The following AGBL4 variants were observed in gnomAD, a reference collection of about 807,000 sequenced individuals.
AGBL4 encodes the protein cytosolic carboxypeptidase 6.
In AGBL4, 58 loss-of-function variants were observed where a neutral mutation model predicts 66.4. The observed-to-expected ratio is 0.87, with a 90% CI of 0.71 to 1.09. The LOEUF (loss-of-function observed/expected upper bound fraction) is 1.09, where lower values mean the gene tolerates loss of function less well. Ranked by LOEUF, AGBL4 falls within the 50% of genes least tolerant of loss-of-function variation. AGBL4 has a pLI of 0.00. For synonymous variants in AGBL4, 234 were observed against 222.9 expected, an observed-to-expected ratio of 1.05 and a Z score of -0.44; for missense variants, 579 against 631.0, an observed-to-expected ratio of 0.92 and a Z score of 0.88.
At chr1:49,697,267 T>G in intron 3 of AGBL4, 46 bp downstream of exon 3, 4 of 1,504,214 alleles carry the variant, frequency 2.7e-6, no homozygotes, top group African/African-American at 1.4e-5. Context: ...CAAAAGCATA[T>G]TATTCTTACC....
intron 4 of AGBL4, among the ~76,000 whole-genome samples, chr1:49,132,862 C>G (rs1308753741): frequency 6.6e-6 from 1 of 152,108 alleles, no homozygotes; most frequent in Non-Finnish European, 1.5e-5. Flanking sequence ...CCAGAAATAC[C>G]ATTTGACCCA....
chr1:48,792,749 G>T (rs1054880646), intron 6 of AGBL4, among the ~76,000 whole-genome samples: 2 of 152,176 alleles, frequency 1.3e-5, no homozygotes, highest in African/African-American at 4.8e-5. Context: ...GCCTAGTGTA[G>T]AAGCAGAAAA....
chr1:49,384,395 C>T (rs970237722), intron 3 of AGBL4, among the ~76,000 whole-genome samples: 4 of 151,642 alleles, frequency 2.6e-5, no homozygotes, highest in Non-Finnish European at 5.9e-5. Flanking sequence ...AGCTCGAGAC[C>T]ACCCTGACCA....
chr1:49,477,856 C>A (rs566017438), intron 3 of AGBL4, among the ~76,000 whole-genome samples: 2 of 151,496 alleles, frequency 1.3e-5, no homozygotes, highest in African/African-American at 4.8e-5. Flanking sequence ...ATAAATGTCA[C>A]AAAGAGATTT....
chr1:49,348,042 C>T (rs887738433), intron 3 of AGBL4, among the ~76,000 whole-genome samples: 4 of 152,224 alleles, frequency 2.6e-5, no homozygotes, highest in Admixed American at 2.0e-4. Flanking sequence ...TTTGCAGATA[C>T]GATTTAGTTA....
At chr1:50,005,366 C>G (rs996950890) in intron 1 of AGBL4, among the ~76,000 whole-genome samples, 1 of 152,108 alleles carries the variant, frequency 6.6e-6, no homozygotes, top group Admixed American at 6.5e-5. Flanking sequence ...AAAATTCTTC[C>G]AGATTTTATC....
At chr1:49,418,645 T>A (rs1645479641) in intron 3 of AGBL4, among the ~76,000 whole-genome samples, 1 of 152,216 alleles carries the variant, frequency 6.6e-6, no homozygotes, top group South Asian at 2.1e-4. Context: ...ACTGTGCATT[T>A]CAGGCCAGGA....
At position 48,736,437 on chromosome 1, in the gene AGBL4, C is replaced by T. The variant is rs925374841; in HGVS notation, c.635-73196G>A. The T allele has an allele frequency of 1.2e-6, 2 of 1,614,090 alleles. No individual in the cohort carries two copies. The highest frequency in any genetic ancestry group is 1.7e-6 in the Non-Finnish European group (2 of 1,180,016). ...CATTTCTCCTCATCAACCCAAATCC[C>T]GCTTCCCAGATGGACCTGAGAGGAA... On this transcript the variant is annotated intron_variant, in intron 6 of 13. Transcript: ENST00000371839. The surrounding 1 kb of genome is among the most constrained non-coding windows in gnomAD (Gnocchi z 4.0).
intron 2 of AGBL4, among the ~76,000 whole-genome samples, chr1:49,791,160 T>C (rs1358499295): frequency 2.0e-5 from 3 of 152,106 alleles, no homozygotes; most frequent in Non-Finnish European, 4.4e-5. Context: ...CTCTAGACTT[T>C]CATAAGTGAA....
intron 2 of AGBL4, among the ~76,000 whole-genome samples, chr1:49,740,678 A>G (rs1650368944): frequency 6.6e-6 from 1 of 152,190 alleles, no homozygotes; most frequent in African/African-American, 2.4e-5. Flanking sequence ...AATGTAAAAT[A>G]ACAGAAATTA....
intron 5 of AGBL4, among the ~76,000 whole-genome samples, chr1:48,943,575 T>C (rs1027740078): frequency 6.6e-6 from 1 of 152,242 alleles, no homozygotes; most frequent in Admixed American, 6.5e-5. Context: ...CATACTATGT[T>C]CCAGGCATTG....
intron 4 of AGBL4, among the ~76,000 whole-genome samples, chr1:49,126,237 C>T (rs1472839286): frequency 1.3e-5 from 2 of 152,140 alleles, no homozygotes; most frequent in African/African-American, 4.8e-5. Context: ...TTTACCGTTC[C>T]AAGCAGCCTG....
chr1:49,372,594 C>CT (rs1209547849), intron 3 of AGBL4, among the ~76,000 whole-genome samples: 2 of 150,116 alleles, frequency 1.3e-5, no homozygotes. Context: ...TTCTTTCTTT[C>CT]TTTTCTTTTT....
At chr1:48,737,615 A>G (rs1649277159) in intron 6 of AGBL4, among the ~76,000 whole-genome samples, 1 of 152,234 alleles carries the variant, frequency 6.6e-6, no homozygotes, top group Non-Finnish European at 1.5e-5. Flanking sequence ...CAAAGAACAA[A>G]ACACAATCTT....
intron 3 of AGBL4, among the ~76,000 whole-genome samples, chr1:49,381,221 T>C (rs1371919112): frequency 1.3e-5 from 2 of 152,172 alleles, no homozygotes; most frequent in Non-Finnish European, 2.9e-5. Flanking sequence ...AAGACATTTA[T>C]GCAGCCAAAA....
rs745452595 is a variant in AGBL4 at position 49,959,634 on chromosome 1, G to C, written c.34+64129C>G. 7.9e-5 allele frequency among the ~76,000 whole-genome samples: 12 copies of C among 151,958 alleles called. 1 individual carries two copies. Among genetic ancestry groups the C allele is most frequent in the Non-Finnish European group, 1.5e-4 (10 of 67,946 alleles). ...GTGGAAAGCAGTGTGGCAATTCCTC[G>C]AAGAACTTAAAACAACTGCCATTTG... On this transcript the variant is annotated intron_variant, in intron 1 of 13. Transcript: ENST00000371839.
intron 11 of AGBL4, among the ~76,000 whole-genome samples, chr1:48,541,981 TCCCTC>T (rs1644080082): frequency 6.6e-6 from 1 of 152,110 alleles, no homozygotes; most frequent in African/African-American, 2.4e-5. Flanking sequence ...CCTAATGCTA[TCCCTC>T]CCCTAGCACC....
intron 10 of AGBL4, among the ~76,000 whole-genome samples, chr1:48,588,261 A>G (rs543307779): frequency 5.3e-5 from 8 of 152,342 alleles, no homozygotes; most frequent in Non-Finnish European, 7.3e-5. Flanking sequence ...CATAGGGATC[A>G]TGGCTGCTTC....
intron 1 of AGBL4, among the ~76,000 whole-genome samples, chr1:49,885,209 TC>T (rs1647897502): frequency 6.6e-6 from 1 of 151,804 alleles, no homozygotes; most frequent in African/African-American, 2.4e-5. Context: ...GTTAAATGAG[TC>T]TGTCAAAAGT....
Sources: allele counts gnomAD v4.1 joint callset (sites outside exome capture counted in the v4.1 genomes callset), GRCh38; gene constraint gnomAD v4.1.1; non-coding constraint Gnocchi (gnomAD v3.1); transcripts MANE v1.5; gene names NCBI Gene and HGNC (gene_info 2026-07-23, HGNC 2026-07-21).